Variants in GRIP2 observed in about 807,000 individuals in gnomAD.
GRIP2 encodes the protein glutamate receptor-interacting protein 2.
GRIP2 carries 58 observed loss-of-function variants against 108.3 expected under a neutral mutation model. The observed-to-expected ratio is 0.54, with a 90% CI of 0.43 to 0.67. The LOEUF (loss-of-function observed/expected upper bound fraction) is 0.67. Among genes scored for constraint, GRIP2 ranks in the 30% least tolerant of loss-of-function variants. The probability of loss-of-function intolerance (pLI) is 0.00; values close to 1 mark genes in which losing one functional copy is unlikely to be tolerated. For synonymous variants in GRIP2, 586 were observed against 598.2 expected, an observed-to-expected ratio of 0.98 and a Z score of 0.30; for missense variants, 1,278 against 1,430.6, an observed-to-expected ratio of 0.89 and a Z score of 1.72.
At position 14,497,415 on chromosome 3, in the gene GRIP2, G is replaced by A. The variant is rs572572654; in HGVS notation, c.2680-855C>T. On this transcript the variant is annotated intron_variant, in intron 21 of 23. Coordinates refer to ENST00000621039, the MANE Select transcript of GRIP2 (RefSeq NM_001080423.4). ...TGGCCCTCGTCCTGTGAGGGGTGGGGAAGCATCCAGAGCTGAAATTGAAAG... is the reference window on the plus strand; with the variant it reads ...TGGCCCTCGTCCTGTGAGGGGTGGGAAAGCATCCAGAGCTGAAATTGAAAG... Among the ~76,000 whole-genome samples, 6 of 152,324 alleles carry A rather than the reference G, an allele frequency of 3.9e-5. No homozygotes were observed. In the South Asian group the frequency reaches 1.2e-3, roughly 32 times the overall value.
Position 14,523,593 on chromosome 3 carries a change from G to C in GRIP2, c.490+19C>G, listed in dbSNP as rs369160829. Reference sequence around the variant, plus strand: ...CTCTTTCTTGCTGCCCCAATACCAAGGGCAATTCTTTCACTGACCTCTAAG... The same window carrying C: ...CTCTTTCTTGCTGCCCCAATACCAACGGCAATTCTTTCACTGACCTCTAAG... On this transcript the variant is annotated intron_variant, in intron 5 of 23. Transcript: ENST00000621039. 1 of 1,549,336 alleles carries C rather than the reference G, an allele frequency of 6.5e-7. No homozygotes were observed.
the GRIP2 span, among the ~76,000 whole-genome samples, chr3:14,568,886 C>T: frequency 6.6e-6 from 1 of 152,214 alleles, no homozygotes; most frequent in Non-Finnish European, 1.5e-5. Context: ...GCTCCAACCT[C>T]GGCTCTGCCC....
At chr3:14,583,001 G>A in the GRIP2 span, among the ~76,000 whole-genome samples, 1 of 152,216 alleles carries the variant, frequency 6.6e-6, no homozygotes, top group South Asian at 2.1e-4. Flanking sequence ...AACCCTGTTA[G>A]GTAGACACTG....
At chr3:14,530,124 T>C (rs192695358) in intron 1 of GRIP2, among the ~76,000 whole-genome samples, 125 of 152,286 alleles carry the variant, frequency 8.2e-4, no homozygotes, top group Non-Finnish European at 1.4e-3. Context: ...GGAGGCTGAG[T>C]TGAGACAGAT....
intron 1 of GRIP2, among the ~76,000 whole-genome samples, chr3:14,534,728 G>C (rs928201136): frequency 2.0e-5 from 3 of 152,154 alleles, no homozygotes; most frequent in Non-Finnish European, 4.4e-5. Context: ...CTGTGCACCT[G>C]GTACTCAGGC....
chr3:14,545,947 G>A (rs896473362), upstream of GRIP2, among the ~76,000 whole-genome samples: 1 of 152,226 alleles, frequency 6.6e-6, no homozygotes, highest in Admixed American at 6.5e-5. Context: ...GATCCAGCAA[G>A]AAAGACAGAC....
At chr3:14,524,094 G>A (rs1694486501) in intron 4 of GRIP2, 2 of 519,300 alleles carry the variant, frequency 3.9e-6, no homozygotes, top group African/African-American at 3.8e-5. Context: ...GTGTGGGCGT[G>A]GTAGGTCAGG....
chr3:14,569,548 A>AT, the GRIP2 span, among the ~76,000 whole-genome samples: 1 of 152,148 alleles, frequency 6.6e-6, no homozygotes, highest in Non-Finnish European at 1.5e-5. Context: ...GGATCGTGGG[A>AT]GATCCAGGGG....
chr3:14,593,409 C>T, the GRIP2 span, among the ~76,000 whole-genome samples: 4 of 152,218 alleles, frequency 2.6e-5, no homozygotes, highest in Non-Finnish European at 5.9e-5. Context: ...CTTCCGGCAA[C>T]GCAAGAATCA....
At chr3:14,541,009 C>T (rs564862796), upstream of GRIP2, among the ~76,000 whole-genome samples, 1 of 152,386 alleles carries the variant, frequency 6.6e-6, no homozygotes, top group East Asian at 1.9e-4. Context: ...CTGCCCGCCT[C>T]TGGGCTTGAT....
At chr3:14,580,192 G>A in the GRIP2 span, among the ~76,000 whole-genome samples, 1 of 152,214 alleles carries the variant, frequency 6.6e-6, no homozygotes, top group African/African-American at 2.4e-5. Context: ...TCATTTACAA[G>A]TAGTCCATGG....
intron 9 of GRIP2, among the ~76,000 whole-genome samples, chr3:14,518,995 C>T (rs1370092898): frequency 1.3e-5 from 2 of 152,232 alleles, no homozygotes; most frequent in Non-Finnish European, 2.9e-5. Context: ...AGCCTTGCAA[C>T]GCTACCTCAG....
intron 1 of GRIP2, among the ~76,000 whole-genome samples, chr3:14,538,606 G>A (rs1694889139): frequency 1.3e-5 from 2 of 152,246 alleles, no homozygotes; most frequent in Admixed American, 6.5e-5. Context: ...CCTTGGTGCT[G>A]ATGCAAACTG....
rs1701379650 is a variant in GRIP2 at position 14,493,402 on chromosome 3, TTC to T, written c.*261_*262del. On this transcript the variant is annotated 3_prime_UTR_variant, in exon 24 of 24. Transcript: ENST00000621039. ...TCGGCTGAGCAGCCTGTGCCAACCCTTCTTAAGGGAGGCTCCTCTGGGCATCT... is the reference window on the plus strand; with the variant it reads ...TCGGCTGAGCAGCCTGTGCCAACCCTTTAAGGGAGGCTCCTCTGGGCATCT... 1.6e-5 allele frequency: 8 copies of T among 485,758 alleles called. No homozygotes were observed. Among genetic ancestry groups the T allele is most frequent in the Non-Finnish European group, 2.6e-5 (7 of 273,696 alleles). The allele number at this position is 485,758 out of a possible 1,614,324, so 30.1% of individuals were successfully genotyped here. A position where few individuals can be genotyped will look rare whatever the true frequency, so the allele number is the denominator to read the frequency against.
At position 14,492,910 on chromosome 3, in the gene GRIP2, G is replaced by A. The variant is rs1701368493; in HGVS notation, c.*755C>T. 1 of 152,268 alleles carries A rather than the reference G, an allele frequency of 6.6e-6. No individual in the cohort carries two copies. The highest frequency in any genetic ancestry group is 2.4e-5 in the African/African-American group (1 of 41,456). The allele number at this position is 152,268 out of a possible 1,614,324, so 9.4% of individuals were successfully genotyped here. On this transcript the variant is annotated 3_prime_UTR_variant, in exon 24 of 24. Transcript: ENST00000621039. ...TCAAGTCCCAGAAGCTTCAGACTGA[G>A]ATGCTGAAATCAAAGAATCACCCAC...
At position 14,493,679 on chromosome 3, in the gene GRIP2, G is replaced by C. The variant is rs763154061; in HGVS notation, c.3118C>G (p.Pro1040Ala). 1.2e-6 allele frequency: 2 copies of C among 1,603,870 alleles called. No individual in the cohort carries two copies. Among genetic ancestry groups the C allele is most frequent in the Non-Finnish European group, 1.7e-6 (2 of 1,175,654 alleles). ...RAPRSPGPSS[P>A]RML ...ACATGCTGACTTCAGAGCATCCGGGGACTGCTGGGGCCTGGCGATCGGGGG... is the reference window on the plus strand; with the variant it reads ...ACATGCTGACTTCAGAGCATCCGGGCACTGCTGGGGCCTGGCGATCGGGGG... The change falls in exon 24 of 24, where the codon CCC (proline) becomes GCC (alanine). Residue 1040 changes from proline to alanine, a missense_variant. Transcript: ENST00000621039.
chr3:14,573,111 T>C, the GRIP2 span: 7 of 1,428,816 alleles, frequency 4.9e-6, no homozygotes, highest in Non-Finnish European at 6.9e-6. Context: ...GTGGGCAAAG[T>C]TGTCGATCCA....
chr3:14,584,613 G>A, the GRIP2 span, among the ~76,000 whole-genome samples: 6 of 152,194 alleles, frequency 3.9e-5, no homozygotes, highest in Admixed American at 6.5e-5. Flanking sequence ...CTGGGACCGC[G>A]GACTATGGGC....
In GRIP2 at chr3:14,496,554, TG is replaced by T; in HGVS notation, c.2685del (p.Ile896SerfsTer2). ...ACCCTCTGCACGGTGCCCGTCATGA[TG>T]GATGCCTGCAAGGAACACGGCCTTT... Reference protein sequence around the residue: ...QSELLRELEASIMTGTVQRVA... With the variant: ...QSELLRELEAXIMTGTVQRVA... On this transcript the variant is annotated frameshift_variant, in exon 22 of 24. Coordinates refer to ENST00000621039, the MANE Select transcript of GRIP2 (RefSeq NM_001080423.4). LOFTEE classifies it high-confidence loss of function. 6.3e-7 allele frequency: 1 copy of T among 1,576,818 alleles called. No individual in the cohort carries two copies. Among genetic ancestry groups the T allele is most frequent in the Non-Finnish European group, 8.6e-7 (1 of 1,165,548 alleles).
Sources: allele counts gnomAD v4.1 joint callset (sites outside exome capture counted in the v4.1 genomes callset), GRCh38; gene constraint gnomAD v4.1.1; transcripts MANE v1.5; gene names NCBI Gene and HGNC (gene_info 2026-07-23, HGNC 2026-07-21).